MYO19: variants seen among roughly 807,000 people sequenced by gnomAD.
MYO19 encodes the protein unconventional myosin-XIX.
MYO19 carries 132 observed loss-of-function variants against 129.2 expected under a neutral mutation model. The observed-to-expected ratio is 1.02, with a 90% CI of 0.89 to 1.18. The LOEUF (loss-of-function observed/expected upper bound fraction) is 1.18, where lower values mean the gene tolerates loss of function less well. MYO19 is among the 50% of genes most tolerant of loss of function. The probability of loss-of-function intolerance (pLI) is 0.00; values close to 1 mark genes in which losing one functional copy is unlikely to be tolerated. For synonymous variants in MYO19, 531 were observed against 477.2 expected (o/e 1.11, Z -1.47); for missense variants, 1,210 against 1,216.7 (o/e 0.99, Z 0.08).
chr17:36,533,211 C>G (rs902670153), intron 2 of MYO19: 6 of 152,816 alleles, frequency 3.9e-5, no homozygotes, highest in African/African-American at 1.2e-4. Flanking sequence ...TTGTGAAGGT[C>G]AATGAGGTCA....
chr17:36,508,019 C>T, intron 14 of MYO19, 95 bp from the exon 15 acceptor site: 1 of 1,356,080 alleles, frequency 7.4e-7, no homozygotes, highest in Non-Finnish European at 9.8e-7. Context: ...CCTGCCAATG[C>T]CTTATACTTG....
intron 6 of MYO19, among the ~76,000 whole-genome samples, chr17:36,521,066 T>TC (rs772124239): frequency 3.7e-4 from 57 of 152,362 alleles, no homozygotes; most frequent in Admixed American, 6.5e-4. Flanking sequence ...TAAATTTTTA[T>TC]CATCTCCATT....
Position 36,515,947 on chromosome 17 carries a change from G to C in MYO19, c.458C>G (p.Ala153Gly). The C allele has an allele frequency of 6.2e-7, 1 of 1,613,590 alleles. No individual in the cohort carries two copies. ...GCTCTCCCAAGATGCAGGTGAGGTG[G>C]CCACCACAGCATAGAACTTCATTAG... is the stretch of plus-strand genomic sequence containing the variant. ...RCLMKFYAVV[A>G]TSPASWESHK... is the part of the protein sequence containing the mutation. Residue 153 changes from alanine (A) to glycine (G), a missense_variant, in exon 7 of 26, where the codon GCC becomes GGC. Ala to Gly is a moderately conservative substitution (Grantham distance 60). Coordinates refer to ENST00000614623, the MANE Select transcript of MYO19 (RefSeq NM_001163735.2).
At position 36,498,330 on chromosome 17, in the gene MYO19, C is replaced by T; in HGVS notation, c.2693G>A (p.Ser898Asn). ...ACLQLPRGSP[S>N]SYTVQTAQDQ... ...TTGTGCTGTCTGGACAGTGTAGCTA[C>T]TGGGGCTGCCCCTGGGGAGCTGGAG... is the stretch of plus-strand genomic sequence containing the variant. Residue 898 changes from serine (S) to asparagine (N), a missense_variant, in exon 25 of 26, where the codon AGT (serine) becomes AAT (asparagine). Physicochemically the swap from Ser to Asn is conservative, Grantham distance 46 (BLOSUM62 1). Transcript: ENST00000614623. The T allele has an allele frequency of 3.1e-6, 5 of 1,614,004 alleles. No homozygotes were observed. The highest frequency in any genetic ancestry group is 4.2e-6 in the Non-Finnish European group (5 of 1,179,908).
upstream of MYO19, chr17:36,535,396 G>A (rs937073514): frequency 6.6e-6 from 1 of 152,288 alleles, no homozygotes; most frequent in African/African-American, 2.4e-5. Flanking sequence ...GGTAGCCCAC[G>A]GGACACTGGC....
intron 3 of MYO19, among the ~76,000 whole-genome samples, chr17:36,528,865 G>A (rs957003744): frequency 1.2e-4 from 18 of 152,170 alleles, no homozygotes; most frequent in African/African-American, 4.1e-4. Context: ...GCACTTCCAG[G>A]CTACTAGCCT....
intron 11 of MYO19, chr17:36,513,125 A>T (rs2072480740): frequency 7.3e-7 from 1 of 1,374,390 alleles, no homozygotes; most frequent in Non-Finnish European, 9.4e-7. Context: ...CTAGACAAGC[A>T]AGGCGGTAGC....
At chr17:36,502,600 A>G (rs1227244157) in intron 21 of MYO19, among the ~76,000 whole-genome samples, 2 of 152,126 alleles carry the variant, frequency 1.3e-5, no homozygotes, top group African/African-American at 2.4e-5. Flanking sequence ...GGCTGATAAG[A>G]GTCATTTGCT....
chr17:36,525,308 G>A lies in MYO19; in HGVS notation c.334C>T (p.Gln112Ter). The change falls in exon 6 of 26, where the codon CAG (glutamine) becomes TAG (stop). Residue 112 changes from glutamine (Q) to a stop codon, truncating the protein, a stop_gained. Transcript: ENST00000614623. LOFTEE classifies it high-confidence loss of function. ...AGGCTCTTGACATTCCTGTAGGTCT[G>A]TTCACCCACAGTGAACACATGGGGC... The part of the protein sequence containing the change: ...LKPHVFTVGE[Q>*]TYRNVKSLIE... 6.2e-7 allele frequency: 1 copy of A among 1,613,800 alleles called. No individual in the cohort carries two copies. Among genetic ancestry groups the A allele is most frequent in the Non-Finnish European group, 8.5e-7 (1 of 1,179,776 alleles).
intron 21 of MYO19, 62 bp downstream of exon 21, chr17:36,503,035 C>A: frequency 1.4e-6 from 2 of 1,403,120 alleles, no homozygotes; most frequent in East Asian, 2.3e-5. Context: ...TAAGACAGGG[C>A]ACAGGGTAGA....
intron 2 of MYO19, among the ~76,000 whole-genome samples, chr17:36,540,402 GCT>G (rs2074191224): frequency 7.3e-6 from 1 of 136,418 alleles, no homozygotes. Flanking sequence ...ATGGAGTCTT[GCT>G]CTGTCTCCCA....
chr17:36,495,882 C>A lies in MYO19; in HGVS notation c.*369G>T. The A allele has an allele frequency of 8.1e-7, 1 of 1,234,768 alleles. No individual in the cohort carries two copies. The highest frequency in any genetic ancestry group is 1.0e-6 in the Non-Finnish European group (1 of 988,494). 76.5% of individuals were successfully genotyped at this position (1,234,768 alleles called of 1,614,324 possible). On this transcript the variant is annotated 3_prime_UTR_variant, in exon 26 of 26. Transcript: ENST00000614623. ...TTTTTCCCAGCCCAAATTCCAGCGC[C>A]AATTTTAGGCCAACTTTGGCTGTTT...
chr17:36,505,320 C>G lies in MYO19; in HGVS notation c.1882G>C (p.Ala628Pro). Residue 628 changes from alanine to proline, a missense_variant, in exon 19 of 26, where the codon GCG (alanine) becomes CCG (proline). By Grantham distance (27) the Ala-to-Pro change is conservative (BLOSUM62 -1). Coordinates refer to ENST00000614623, the MANE Select transcript of MYO19 (RefSeq NM_001163735.2). Reference sequence around the variant, plus strand: ...ACCTCCTCTTGGAGAAAGGTCTGCGCCTGGCCCTGGCTGTTGGGCTTGATG... The same window carrying G: ...ACCTCCTCTTGGAGAAAGGTCTGCGGCTGGCCCTGGCTGTTGGGCTTGATG... ...RCIKPNSQGQ[A>P]QTFLQEEVLS... is the part of the protein sequence containing the mutation. The G allele has an allele frequency of 6.2e-7, 1 of 1,614,240 alleles. No homozygotes were observed. Among genetic ancestry groups the G allele is most frequent in the Non-Finnish European group, 8.5e-7 (1 of 1,180,032 alleles).
At chr17:36,504,752 A>G (rs2071760519) in intron 19 of MYO19, 1 of 181,356 alleles carries the variant, frequency 5.5e-6, no homozygotes, top group Admixed American at 5.5e-5. Context: ...ATCTCTACTA[A>G]AAATACAAAA....
chr17:36,496,076 C>A lies in MYO19; in HGVS notation c.*175G>T. The A allele has an allele frequency of 1.1e-6, 1 of 923,498 alleles. No homozygotes were observed. 57.2% of individuals were successfully genotyped at this position (923,498 alleles called of 1,614,324 possible). A position where few individuals can be genotyped will look rare whatever the true frequency, so the allele number is the denominator to read the frequency against. The stretch of plus-strand genomic sequence containing the variant: ...CATCAGTGCTTGATGTAGCCTGGAA[C>A]CCCAGGCCCACTGACGCACTGGGCA... On this transcript the variant is annotated 3_prime_UTR_variant, in exon 26 of 26. Coordinates refer to ENST00000614623, the MANE Select transcript of MYO19 (RefSeq NM_001163735.2).
intron 23 of MYO19, 78 bp from the exon 24 acceptor site, chr17:36,499,238 C>T (rs1479232775): frequency 2.6e-5 from 26 of 998,268 alleles, no homozygotes; most frequent in Non-Finnish European, 3.9e-5. Flanking sequence ...TGCAGCAGCA[C>T]CACAGTTGCT....
upstream of MYO19, chr17:36,537,977 T>TCTA: frequency 6.2e-7 from 1 of 1,614,104 alleles, no homozygotes; most frequent in Non-Finnish European, 8.5e-7. Flanking sequence ...CTGATGGTAG[T>TCTA]GGCACACGGG....
intron 9 of MYO19, among the ~76,000 whole-genome samples, chr17:36,514,128 C>T (rs920604197): frequency 3.3e-5 from 5 of 152,118 alleles, no homozygotes; most frequent in Middle Eastern, 6.3e-3. Context: ...GTTCTGTTAG[C>T]GACAGATGCC....
chr17:36,518,534 ATATATATATATATATATATGTG>A (rs2142172195), intron 6 of MYO19, among the ~76,000 whole-genome samples: 1 of 91,464 alleles, frequency 1.1e-5, no homozygotes, highest in East Asian at 2.7e-4. Flanking sequence ...AAAAATATAT[ATATATATATATATATATATGTG>A]TATGTGTATA....
Sources: allele counts gnomAD v4.1 joint callset (sites outside exome capture counted in the v4.1 genomes callset), GRCh38; gene constraint gnomAD v4.1.1; transcripts MANE v1.5; gene names NCBI Gene and HGNC (gene_info 2026-07-23, HGNC 2026-07-21).